Variants in KIF11 observed in about 807,000 individuals in gnomAD.
KIF11 encodes the protein kinesin-like protein KIF11.
KIF11 carries 9 observed loss-of-function variants against 121.0 expected under a neutral mutation model. That is an observed-to-expected ratio of 0.07 (90% CI 0.04 to 0.13). The LOEUF (loss-of-function observed/expected upper bound fraction) is 0.13, where lower values mean the gene tolerates loss of function less well. Among genes scored for constraint, KIF11 ranks in the 10% least tolerant of loss-of-function variants. The probability of loss-of-function intolerance (pLI) is 1.00; values close to 1 mark genes in which losing one functional copy is unlikely to be tolerated. For synonymous variants in KIF11, 408 were observed against 421.0 expected (o/e 0.97, Z 0.38); for missense variants, 846 against 1,217.5 (o/e 0.69, Z 4.54).
intron 1 of KIF11, among the ~76,000 whole-genome samples, chr10:92,595,123 A>G: frequency 6.6e-6 from 1 of 152,160 alleles, no homozygotes; most frequent in Non-Finnish European, 1.5e-5. Context: ...GCAGTGGTGC[A>G]ATCTCAGCTC....
intron 8 of KIF11, among the ~76,000 whole-genome samples, chr10:92,614,877 G>A (rs138663404): frequency 6.4e-4 from 98 of 152,178 alleles, no homozygotes; most frequent in African/African-American, 2.1e-3. Flanking sequence ...TAAATTCCTG[G>A]ACTCAAGTGA....
rs535888095 is a variant in KIF11, at chr10:92,616,918, A to G, written c.1128+86A>G. The G allele has an allele frequency of 5.1e-5, 38 of 738,114 alleles. No homozygotes were observed. The African/African-American group carries it at 6.0e-4, about 12-fold the overall frequency. 45.7% of individuals were successfully genotyped at this position (738,114 alleles called of 1,614,324 possible). A position where few individuals can be genotyped will look rare whatever the true frequency, so the allele number is the denominator to read the frequency against. Reference sequence around the variant, plus strand: ...TGAAGTGGGAGATAATAGTTAAACAAGATTTGTTAAATTGCCCATGGAAGG... The same window carrying G: ...TGAAGTGGGAGATAATAGTTAAACAGGATTTGTTAAATTGCCCATGGAAGG... On this transcript the variant is annotated intron_variant, in intron 9 of 21. Transcript: ENST00000260731.
At chr10:92,614,300 T>C (rs373288914) in intron 8 of KIF11, among the ~76,000 whole-genome samples, 109 of 152,288 alleles carry the variant, frequency 7.2e-4, no homozygotes, top group South Asian at 5.8e-3. Flanking sequence ...TTTCACCTTG[T>C]TGGCCAGGCT....
intron 1 of KIF11, among the ~76,000 whole-genome samples, chr10:92,603,051 A>G (rs2135898719): frequency 6.6e-6 from 1 of 151,366 alleles, no homozygotes; most frequent in Admixed American, 6.6e-5. Flanking sequence ...AAATACATCT[A>G]CCTGCTTTTA....
intron 1 of KIF11, 151 bp from the exon 2 acceptor site, chr10:92,606,114 T>G (rs1844428145): frequency 5.4e-6 from 3 of 550,734 alleles, no homozygotes; most frequent in Non-Finnish European, 9.2e-6. Context: ...ACTGTCTGCT[T>G]TAGCAATATC....
intron 21 of KIF11, among the ~76,000 whole-genome samples, chr10:92,651,649 G>A (rs906605195): frequency 6.7e-6 from 1 of 148,706 alleles, no homozygotes; most frequent in Non-Finnish European, 1.5e-5. Context: ...TTACAGGTGT[G>A]AGCCACCGGC....
At chr10:92,622,228 C>T (rs545279651) in intron 10 of KIF11, among the ~76,000 whole-genome samples, 17 of 151,054 alleles carry the variant, frequency 1.1e-4, no homozygotes, top group African/African-American at 3.6e-4. Context: ...GAGCCAAGAT[C>T]GCGCCATTGC....
chr10:92,651,502 ATTTTGTTTTTTTTTTTTTTTTTT>A (rs1275922693), intron 21 of KIF11, among the ~76,000 whole-genome samples: 4 of 21,554 alleles, frequency 1.9e-4, no homozygotes, highest in African/African-American at 4.1e-4. Context: ...TGCCTGGCTA[ATTTTGTTTTTTTTTTTTTTTTTT>A]TTTTTTTTTT....
At position 92,654,098 on chromosome 10, in the gene KIF11, C is replaced by T. The variant is rs1404391636; in HGVS notation, c.*302C>T. 1 of 222,044 alleles carries T rather than the reference C, an allele frequency of 4.5e-6. No individual in the cohort carries two copies. Among genetic ancestry groups the T allele is most frequent in the Non-Finnish European group, 9.1e-6 (1 of 109,576 alleles). 13.8% of individuals were successfully genotyped at this position (222,044 alleles called of 1,614,324 possible). A position where few individuals can be genotyped will look rare whatever the true frequency, so the allele number is the denominator to read the frequency against. ...GGCTGAGGCACGAGAATCACTTGAA[C>T]CCAGGAAGCGGGGTTGCAGTGAGCC... On this transcript the variant is annotated 3_prime_UTR_variant, in exon 22 of 22. Coordinates refer to ENST00000260731, the MANE Select transcript of KIF11 (RefSeq NM_004523.4).
At chr10:92,611,205 G>GTATTAT (rs906283340) in intron 6 of KIF11, among the ~76,000 whole-genome samples, 2 of 150,968 alleles carry the variant, frequency 1.3e-5, no homozygotes, top group African/African-American at 4.9e-5. Flanking sequence ...GAGATGAATA[G>GTATTAT]TATTATTATT....
intron 21 of KIF11, among the ~76,000 whole-genome samples, chr10:92,653,389 AACCACTACCCTGGAGT>A (rs1162857136): frequency 9.2e-5 from 14 of 152,218 alleles, no homozygotes; most frequent in African/African-American, 3.4e-4. Context: ...CCCTGATGAG[AACCACTACCCTGGAGT>A]AAAATCTATA....
intron 18 of KIF11, 91 bp downstream of exon 18, chr10:92,645,733 A>G: frequency 9.8e-7 from 1 of 1,019,418 alleles, no homozygotes; most frequent in South Asian, 1.7e-5. Context: ...AAAACAAATG[A>G]TATTTTAAGC....
intron 9 of KIF11, among the ~76,000 whole-genome samples, chr10:92,618,930 T>G (rs1054080796): frequency 6.6e-6 from 1 of 152,304 alleles, no homozygotes; most frequent in African/African-American, 2.4e-5. Context: ...CCTTTCCTGG[T>G]ACCCAGTAAC....
In KIF11 at chr10:92,651,524, T is replaced by A. The variant is rs1366485795; in HGVS notation, c.3039+1007T>A. Among the ~76,000 whole-genome samples, 131 of 80,472 alleles carry A rather than the reference T, an allele frequency of 1.6e-3. 10 individuals are homozygous for A. The highest frequency in any genetic ancestry group is 7.7e-3 in the African/African-American group (94 of 12,278). 52.8% of individuals were successfully genotyped at this position (80,472 alleles called of 152,430 possible). On this transcript the variant is annotated intron_variant, in intron 21 of 21. Coordinates refer to ENST00000260731, the MANE Select transcript of KIF11 (RefSeq NM_004523.4). ...CTAATTTTGTTTTTTTTTTTTTTTT[T>A]TTTTTTTTTTTTTTTTTTTTTTTTA... is the stretch of plus-strand genomic sequence containing the variant.
intron 20 of KIF11, 56 bp downstream of exon 20, chr10:92,650,042 G>T: frequency 7.2e-7 from 1 of 1,385,202 alleles, no homozygotes; most frequent in East Asian, 2.5e-5. Context: ...TCTTGATGTG[G>T]CTGACTTCAT....
intron 9 of KIF11, among the ~76,000 whole-genome samples, chr10:92,619,843 A>G (rs1844598785): frequency 7.0e-6 from 1 of 142,844 alleles, no homozygotes; most frequent in South Asian, 2.1e-4. Context: ...ATGTATATAT[A>G]TATTTATTTC....
rs1844429878 is a variant in KIF11 at position 92,606,283 on chromosome 10, G to A, written c.96G>A (p.Glu32=). The change falls in exon 2 of 22, where the codon GAG becomes GAA. Residue 32 remains glutamate, a synonymous_variant. Transcript: ENST00000260731. ...TTTATAGACCATTTAATTTGGCAGA[G>A]CGGAAAGCTAGCGCCCATTCAATAG... ...VVRCRPFNLA[E]RKASAHSIVE... The A allele has an allele frequency of 6.3e-7, 1 of 1,596,288 alleles. No homozygotes were observed. Among genetic ancestry groups the A allele is most frequent in the Admixed American group, 1.9e-5 (1 of 53,714 alleles).
chr10:92,653,802 T>C lies in KIF11; in HGVS notation c.*6T>C, dbSNP rs759255279. The C allele has an allele frequency of 5.0e-6, 8 of 1,598,300 alleles. No homozygotes were observed. In the East Asian group the frequency reaches 1.1e-4, roughly 22 times the overall value. On this transcript the variant is annotated 3_prime_UTR_variant, in exon 22 of 22. Transcript: ENST00000260731. Reference sequence around the variant, plus strand: ...GAGCCCAGATCAACCTTTAATTCACTTGGGGGTTGGCAATTTTATTTTTAA... The same window carrying C: ...GAGCCCAGATCAACCTTTAATTCACCTGGGGGTTGGCAATTTTATTTTTAA...
At chr10:92,651,512 T>TTTTC (rs1844981579) in intron 21 of KIF11, among the ~76,000 whole-genome samples, 1 of 42,764 alleles carries the variant, frequency 2.3e-5, no homozygotes, top group East Asian at 5.7e-4. Context: ...ATTTTGTTTT[T>TTTTC]TTTTTTTTTT....
Sources: gnomAD v4.1 joint callset for allele counts (sites outside exome capture counted in the v4.1 genomes callset) on GRCh38, gnomAD v4.1.1 for gene constraint, MANE v1.5 for transcripts, NCBI Gene and HGNC (gene_info 2026-07-23, HGNC 2026-07-21) for gene names.